Variants in PLCB1 observed in about 807,000 individuals in gnomAD.
The protein encoded by PLCB1 is 1-phosphatidylinositol 4,5-bisphosphate phosphodiesterase beta-1.
A neutral mutation model predicts 161.8 loss-of-function variants in PLCB1; 46 were observed. The ratio of observed to expected loss-of-function variants is 0.28; its 90% confidence interval spans 0.22 to 0.36. The LOEUF is 0.36. Among genes scored for constraint, PLCB1 ranks in the 10% least tolerant of loss-of-function variants. The probability of loss-of-function intolerance (pLI) is 1.00; values close to 1 mark genes in which losing one functional copy is unlikely to be tolerated. For missense variants in PLCB1, 1,016 were observed against 1,472.5 expected (o/e 0.69, Z 5.07); for synonymous variants, 517 against 503.7 (o/e 1.03, Z -0.35).
chr20:8,501,864 C>CATATAT (rs36226867), intron 3 of PLCB1, among the ~76,000 whole-genome samples: 14 of 104,700 alleles, frequency 1.3e-4, no homozygotes, highest in South Asian at 1.2e-3. Flanking sequence ...AGATATATCG[C>CATATAT]ATATATATAT....
intron 2 of PLCB1, among the ~76,000 whole-genome samples, chr20:8,184,837 A>C (rs1014514942): frequency 5.3e-5 from 8 of 150,470 alleles, no homozygotes; most frequent in African/African-American, 1.7e-4. Flanking sequence ...ACATGTGCAG[A>C]ATGTGCAGGT....
chr20:8,442,183 T>G (rs1980590014), intron 3 of PLCB1, among the ~76,000 whole-genome samples: 1 of 152,266 alleles, frequency 6.6e-6, no homozygotes, highest in Non-Finnish European at 1.5e-5. Context: ...TAATTTTTAC[T>G]TCTTGGTTAT....
At chr20:8,497,790 C>T (rs760676439) in intron 3 of PLCB1, among the ~76,000 whole-genome samples, 46 of 152,250 alleles carry the variant, frequency 3.0e-4, no homozygotes, top group Middle Eastern at 6.8e-3. Flanking sequence ...GAAAAGGTAT[C>T]TAAATTCCTC....
intron 31 of PLCB1, among the ~76,000 whole-genome samples, chr20:8,878,712 TA>T (rs1987866327): frequency 6.6e-6 from 1 of 152,160 alleles, no homozygotes; most frequent in African/African-American, 2.4e-5. Context: ...TTTTTATTTT[TA>T]TTTTTTCATT....
At chr20:8,676,931 C>T (rs774881223) in intron 9 of PLCB1, among the ~76,000 whole-genome samples, 9 of 151,952 alleles carry the variant, frequency 5.9e-5, no homozygotes, top group Non-Finnish European at 1.3e-4. Context: ...ATATTATGTC[C>T]ATGAAAAAGA....
Position 8,589,653 on chromosome 20 carries a change from G to C in PLCB1, c.247-38641G>C, listed in dbSNP as rs182562003. 1.6e-4 allele frequency among the ~76,000 whole-genome samples: 19 copies of C among 118,016 alleles called. No homozygotes were observed. The East Asian group carries it at 4.8e-3, about 30-fold the overall frequency. 77.4% of individuals were successfully genotyped at this position (118,016 alleles called of 152,430 possible). Reference sequence around the variant, plus strand: ...TTTTTTTGAGACAGAGTCTTGCTCTGTCACCCAGACTGGAGTGCAATGATG... The same window carrying C: ...TTTTTTTGAGACAGAGTCTTGCTCTCTCACCCAGACTGGAGTGCAATGATG... On this transcript the variant is annotated intron_variant, in intron 3 of 31. Coordinates refer to ENST00000338037, the MANE Select transcript of PLCB1 (RefSeq NM_015192.4).
chr20:8,611,853 G>A (rs1255338367), intron 3 of PLCB1, among the ~76,000 whole-genome samples: 14 of 152,128 alleles, frequency 9.2e-5, no homozygotes, highest in Non-Finnish European at 1.3e-4. Context: ...GGCTGAGGCA[G>A]GAAGATTGCT....
chr20:8,287,087 A>G (rs1227360883), intron 2 of PLCB1, among the ~76,000 whole-genome samples: 4 of 152,122 alleles, frequency 2.6e-5, no homozygotes, highest in Admixed American at 2.6e-4. Context: ...ATTTAAAGGA[A>G]TGTACTTTCC....
At position 8,722,454 on chromosome 20, in the gene PLCB1, T is replaced by A. The variant is rs369284773; in HGVS notation, c.1581+33T>A. The stretch of plus-strand genomic sequence containing the variant: ...CTTAGGGCTTCTGGTCCCTAAGGCA[T>A]TCCACCACCCTGTACTCTCCTGGGT... On this transcript the variant is annotated intron_variant, in intron 15 of 31. Coordinates refer to ENST00000338037, the MANE Select transcript of PLCB1 (RefSeq NM_015192.4). 27 of 1,522,288 alleles carry A rather than the reference T, an allele frequency of 1.8e-5. No homozygotes were observed. The East Asian group carries it at 6.2e-4, about 35-fold the overall frequency. The allele number at this position is 1,522,288 out of a possible 1,614,324, so 94.3% of individuals were successfully genotyped here.
intron 2 of PLCB1, among the ~76,000 whole-genome samples, chr20:8,295,834 C>T (rs1389380277): frequency 2.6e-5 from 4 of 151,962 alleles, no homozygotes; most frequent in South Asian, 2.1e-4. Context: ...CTCAGCCTCC[C>T]GAGTAGATGG....
intron 2 of PLCB1, among the ~76,000 whole-genome samples, chr20:8,190,773 G>A (rs1292447246): frequency 1.3e-5 from 2 of 152,088 alleles, no homozygotes; most frequent in African/African-American, 4.8e-5. Context: ...GCCTGGAGAT[G>A]TTCACGTATT....
rs376206426 is a variant in PLCB1 at position 8,735,390 on chromosome 20, A to G, written c.2044-1638A>G. ...GTGTAACCTGCTGCTCCTGTCCAGA[A>G]TGGAGACGCTGCTCCAGAGCTGTCA... On this transcript the variant is annotated intron_variant, in intron 19 of 31. Transcript: ENST00000338037. Among the ~76,000 whole-genome samples, 303 of 152,342 alleles carry G rather than the reference A, an allele frequency of 2.0e-3. 12 individuals carry two copies. In the South Asian group the frequency reaches 0.059, roughly 30 times the overall value.
At position 8,150,277 on chromosome 20, in the gene PLCB1, T is replaced by C. The variant is rs370810694; in HGVS notation, c.100-17T>C. 6.6e-5 allele frequency: 79 copies of C among 1,199,544 alleles called. No homozygotes were observed. Among genetic ancestry groups the C allele is most frequent in the Non-Finnish European group, 9.2e-5 (76 of 824,602 alleles). 74.3% of individuals were successfully genotyped at this position (1,199,544 alleles called of 1,614,324 possible). The stretch of plus-strand genomic sequence containing the variant: ...AGTGATATATGTTGATATTCATGTT[T>C]CTTCTTACATTTCTAGGACTCAACT... On this transcript the variant is annotated splice_polypyrimidine_tract_variant and intron_variant, in intron 1 of 31. Transcript: ENST00000338037.
intron 12 of PLCB1, among the ~76,000 whole-genome samples, chr20:8,709,387 T>C (rs1247042952): frequency 4.6e-5 from 7 of 152,224 alleles, no homozygotes; most frequent in Non-Finnish European, 1.0e-4. Context: ...AATAGATGTA[T>C]ATTAGTTTAT....
chr20:8,589,215 A>ATTCC (rs1310105212), intron 3 of PLCB1, among the ~76,000 whole-genome samples: 3 of 151,846 alleles, frequency 2.0e-5, no homozygotes, highest in Non-Finnish European at 2.9e-5. Flanking sequence ...TCACTCCTTC[A>ATTCC]TTCAACCAAT....
chr20:8,686,236 A>C (rs997461821), intron 10 of PLCB1, among the ~76,000 whole-genome samples: 4 of 152,226 alleles, frequency 2.6e-5, no homozygotes, highest in African/African-American at 9.6e-5. Flanking sequence ...AGGTTCATGG[A>C]ATATCACTTT....
intron 3 of PLCB1, among the ~76,000 whole-genome samples, chr20:8,544,969 C>T (rs1356373650): frequency 6.6e-6 from 1 of 152,100 alleles, no homozygotes; most frequent in East Asian, 1.9e-4. Context: ...GCATCTGCTA[C>T]TGAGTGAAGC....
chr20:8,539,701 C>CTTCT (rs1985227758), intron 3 of PLCB1, among the ~76,000 whole-genome samples: 1 of 110,702 alleles, frequency 9.0e-6, no homozygotes, highest in Non-Finnish European at 1.8e-5. Context: ...TTTTTCCTTC[C>CTTCT]TTCCTTCCTT....
At chr20:8,393,426 C>T (rs1189859358) in intron 3 of PLCB1, among the ~76,000 whole-genome samples, 1 of 152,038 alleles carries the variant, frequency 6.6e-6, no homozygotes, top group Non-Finnish European at 1.5e-5. Context: ...AATACCAGCA[C>T]TTTGGAAGGC....
Sources: gnomAD v4.1 joint callset for allele counts (sites outside exome capture counted in the v4.1 genomes callset) on GRCh38, gnomAD v4.1.1 for gene constraint, MANE v1.5 for transcripts, NCBI Gene and HGNC (gene_info 2026-07-23, HGNC 2026-07-21) for gene names.